The following TMPRSS11F variants were observed in gnomAD, a reference collection of about 807,000 sequenced individuals.
The protein encoded by TMPRSS11F is transmembrane serine protease 11F.
TMPRSS11F carries 47 observed loss-of-function variants against 60.2 expected under a neutral mutation model. That is an observed-to-expected ratio of 0.78 (90% CI 0.62 to 1.00). The LOEUF is 1.00. TMPRSS11F is among the 50% of genes least tolerant of loss of function. TMPRSS11F has a pLI of 0.00. For missense variants in TMPRSS11F, 519 were observed against 522.9 expected, an observed-to-expected ratio of 0.99 and a Z score of 0.07; for synonymous variants, 166 against 167.3, an observed-to-expected ratio of 0.99 and a Z score of 0.06.
intron 1 of TMPRSS11F, among the ~76,000 whole-genome samples, chr4:68,115,282 A>C (rs996591987): frequency 2.8e-4 from 40 of 145,258 alleles, no homozygotes; most frequent in African/African-American, 8.3e-4. Flanking sequence ...GTGTGAACCC[A>C]GGAGGCGGAG....
chr4:68,090,611 A>C lies in TMPRSS11F; in HGVS notation c.194T>G (p.Phe65Cys), dbSNP rs2109864341. Residue 65 changes from phenylalanine (F) to cysteine (C), a missense_variant, in exon 3 of 10, where the codon TTT becomes TGT. By Grantham distance (205) the Phe-to-Cys change is radical. Transcript: ENST00000356291. ...TTTATATTTGATATTTGTGACTTTA[A>C]AAGAGGCAAGGTAATAGAAAGACTT... ...DDKSFYYLASFKVTNIKYKEN... is the reference protein window; with the variant it reads ...DDKSFYYLASCKVTNIKYKEN... 1 of 1,601,356 alleles carries C rather than the reference A, an allele frequency of 6.2e-7. No individual in the cohort carries two copies. Among genetic ancestry groups the C allele is most frequent in the Non-Finnish European group, 8.5e-7 (1 of 1,172,546 alleles).
intron 3 of TMPRSS11F, among the ~76,000 whole-genome samples, chr4:68,086,212 C>A (rs1483475606): frequency 9.2e-5 from 14 of 151,982 alleles, no homozygotes; most frequent in Admixed American, 9.2e-4. Flanking sequence ...GAAATCATTA[C>A]CAAGAAGATA....
intron 1 of TMPRSS11F, 97 bp from the exon 2 acceptor site, chr4:68,099,135 C>A: frequency 9.3e-7 from 1 of 1,076,674 alleles, no homozygotes; most frequent in South Asian, 1.7e-5. Flanking sequence ...GTTTATACTG[C>A]TAAATAACAG....
At chr4:68,109,407 T>C (rs1421024207) in intron 1 of TMPRSS11F, among the ~76,000 whole-genome samples, 1 of 152,156 alleles carries the variant, frequency 6.6e-6, no homozygotes, top group African/African-American at 2.4e-5. Flanking sequence ...TGAGAAAGCA[T>C]TTGCCACATA....
intron 1 of TMPRSS11F, among the ~76,000 whole-genome samples, chr4:68,104,533 C>T (rs555967760): frequency 1.3e-5 from 2 of 152,190 alleles, no homozygotes; most frequent in South Asian, 2.1e-4. Context: ...CATTGCCATG[C>T]GAAGGACATG....
chr4:68,062,249 T>G, intron 8 of TMPRSS11F: 1 of 415,556 alleles, frequency 2.4e-6, no homozygotes, highest in East Asian at 7.0e-5. Context: ...CCGGCTCTTT[T>G]GCTAAATTAA....
intron 1 of TMPRSS11F, among the ~76,000 whole-genome samples, chr4:68,102,962 G>A (rs6853961): frequency 0.31 from 45,624 of 146,696 alleles, 7,076 homozygotes; most frequent in East Asian, 0.49. Flanking sequence ...TTCTATTTAG[G>A]TCTTTTATCC....
intron 5 of TMPRSS11F, among the ~76,000 whole-genome samples, chr4:68,071,022 T>TA (rs1187639995): frequency 3.3e-5 from 5 of 152,240 alleles, no homozygotes; most frequent in African/African-American, 9.6e-5. Context: ...CAAAATTTTT[T>TA]AATAAATTAT....
chr4:68,128,859 C>T (rs1724764067), intron 1 of TMPRSS11F, among the ~76,000 whole-genome samples: 1 of 151,992 alleles, frequency 6.6e-6, no homozygotes, highest in Non-Finnish European at 1.5e-5. Context: ...GGAAGTCTTC[C>T]TTAGGCTTAT....
intron 1 of TMPRSS11F, among the ~76,000 whole-genome samples, chr4:68,115,079 G>C (rs1175961499): frequency 6.6e-6 from 1 of 151,358 alleles, no homozygotes; most frequent in African/African-American, 2.4e-5. Context: ...GCCGGGCGCA[G>C]TGGCTCACGC....
intron 7 of TMPRSS11F, among the ~76,000 whole-genome samples, chr4:68,065,897 C>T (rs1723315817): frequency 6.6e-6 from 1 of 152,088 alleles, no homozygotes; most frequent in Non-Finnish European, 1.5e-5. Context: ...GCGGGTAGAC[C>T]ATGAGGTCAG....
At chr4:68,054,146 A>G in intron 9 of TMPRSS11F, 79 bp from the exon 10 acceptor site, 1 of 1,343,462 alleles carries the variant, frequency 7.4e-7, no homozygotes, top group Admixed American at 2.0e-5. Flanking sequence ...GTTCACAGAG[A>G]AAAAAGGAAA....
intron 6 of TMPRSS11F, 53 bp from the exon 7 acceptor site, chr4:68,068,872 T>C: frequency 6.3e-7 from 1 of 1,577,720 alleles, no homozygotes; most frequent in African/African-American, 1.3e-5. Context: ...GAAAAAAGTA[T>C]ATTCTGATTT....
intron 7 of TMPRSS11F, among the ~76,000 whole-genome samples, chr4:68,067,540 A>T (rs1443785622): frequency 2.0e-5 from 3 of 152,250 alleles, no homozygotes; most frequent in African/African-American, 7.2e-5. Flanking sequence ...AGACACTCTC[A>T]CAAAAACAGA....
chr4:68,088,947 A>G (rs1211717436), intron 3 of TMPRSS11F, among the ~76,000 whole-genome samples: 4 of 152,156 alleles, frequency 2.6e-5, no homozygotes, highest in Admixed American at 6.6e-5. Context: ...GGATTGGAAG[A>G]ATCAACACCA....
chr4:68,122,984 A>C (rs979701264), intron 1 of TMPRSS11F, among the ~76,000 whole-genome samples: 1 of 152,214 alleles, frequency 6.6e-6, no homozygotes, highest in Non-Finnish European at 1.5e-5. Context: ...TTCCTTGATA[A>C]TGAACTGCAA....
chr4:68,071,979 T>C (rs1471853115), intron 5 of TMPRSS11F, among the ~76,000 whole-genome samples: 5 of 151,846 alleles, frequency 3.3e-5, no homozygotes, highest in South Asian at 2.1e-4. Flanking sequence ...GCTAATCCCA[T>C]GTCTCACATC....
chr4:68,106,588 T>C (rs1299318172), intron 1 of TMPRSS11F, among the ~76,000 whole-genome samples: 1 of 152,060 alleles, frequency 6.6e-6, no homozygotes, highest in East Asian at 1.9e-4. Flanking sequence ...GGCAAAGTGG[T>C]GGGAAACTGC....
intron 1 of TMPRSS11F, among the ~76,000 whole-genome samples, chr4:68,116,402 T>C (rs1037200132): frequency 6.6e-6 from 1 of 152,110 alleles, no homozygotes; most frequent in Admixed American, 6.6e-5. Flanking sequence ...ATGAATATTG[T>C]TAAAATGCCC....
Sources: allele counts gnomAD v4.1 joint callset (sites outside exome capture counted in the v4.1 genomes callset), GRCh38; gene constraint gnomAD v4.1.1; transcripts MANE v1.5; gene names NCBI Gene and HGNC (gene_info 2026-07-23, HGNC 2026-07-21).